AMDHD1: variants seen among roughly 807,000 people sequenced by gnomAD.
AMDHD1 encodes amidohydrolase domain containing 1.
A neutral mutation model predicts 44.1 loss-of-function variants in AMDHD1; 45 were observed. That is an observed-to-expected ratio of 1.02 (90% CI 0.80 to 1.31). AMDHD1 has a LOEUF of 1.31. Ranked by LOEUF, AMDHD1 falls within the 50% of genes most tolerant of loss-of-function variation. AMDHD1 has a pLI of 0.00. For synonymous variants in AMDHD1, 206 were observed against 205.0 expected (o/e 1.00, Z -0.04); for missense variants, 586 against 552.1 (o/e 1.06, Z -0.61).
rs939757524 is a variant in AMDHD1, at chr12:95,943,551, C to T, written c.137+16C>T. 4.2e-6 allele frequency: 6 copies of T among 1,436,866 alleles called. No individual in the cohort carries two copies. The Admixed American group carries it at 8.0e-5, about 19-fold the overall frequency. The allele number at this position is 1,436,866 out of a possible 1,614,324, so 89.0% of individuals were successfully genotyped here. ...TGGTGGGCAAGTAAGTGGCCGGGCG[C>T]GCAGGGTGGGGACCGCCACGGGCGG... is the stretch of plus-strand genomic sequence containing the variant. On this transcript the variant is annotated intron_variant, in intron 1 of 8. Coordinates refer to ENST00000266736, the MANE Select transcript of AMDHD1 (RefSeq NM_152435.3).
chr12:95,956,344 G>A (rs1246045927), intron 3 of AMDHD1, among the ~76,000 whole-genome samples: 1 of 152,140 alleles, frequency 6.6e-6, no homozygotes, highest in African/African-American at 2.4e-5. Context: ...TCCTGACCTC[G>A]TGATCTGCCC....
At chr12:95,955,412 A>C (rs563043245) in intron 3 of AMDHD1, among the ~76,000 whole-genome samples, 2 of 152,310 alleles carry the variant, frequency 1.3e-5, no homozygotes, top group South Asian at 4.1e-4. Flanking sequence ...ATTAGCTGTA[A>C]CCAACTCCTA....
chr12:95,966,881 A>G lies in AMDHD1; in HGVS notation c.1193+373A>G, dbSNP rs1008357029. ...TTGGTTCTGATTCATTCCCTCTCTG[A>G]TTTCTCATGCCGACTGGCTCCCAAA... On this transcript the variant is annotated intron_variant, in intron 8 of 8. Coordinates refer to ENST00000266736, the MANE Select transcript of AMDHD1 (RefSeq NM_152435.3). Among the ~76,000 whole-genome samples, 18 of 152,056 alleles carry G rather than the reference A, an allele frequency of 1.2e-4. 1 individual carries two copies. The highest frequency in any genetic ancestry group is 5.9e-5 in the Non-Finnish European group (4 of 68,004).
chr12:95,948,327 C>G lies in AMDHD1; in HGVS notation c.138-4390C>G, dbSNP rs540275244. Among the ~76,000 whole-genome samples, 16 of 84,230 alleles carry G rather than the reference C, an allele frequency of 1.9e-4. No individual in the cohort carries two copies. In the South Asian group the frequency reaches 3.6e-3, roughly 19 times the overall value. 55.3% of individuals were successfully genotyped at this position (84,230 alleles called of 152,430 possible). ...GAGGGAGGTGGGGGGGTCAGCCCCC[C>G]ACCCGGCCAGCCGCCCCGTCTGGGA... On this transcript the variant is annotated intron_variant, in intron 1 of 8. Coordinates refer to ENST00000266736, the MANE Select transcript of AMDHD1 (RefSeq NM_152435.3).
At position 95,956,982 on chromosome 12, in the gene AMDHD1, G is replaced by T; in HGVS notation, c.587+20G>T. On this transcript the variant is annotated intron_variant, in intron 4 of 8. Coordinates refer to ENST00000266736, the MANE Select transcript of AMDHD1 (RefSeq NM_152435.3). ...GCCTAAGTAATCTCAGCCAGTGGGG[G>T]CCCGGGTTTAACTCAGAGCATTGAA... The T allele has an allele frequency of 2.5e-6, 4 of 1,611,146 alleles. No individual in the cohort carries two copies. The highest frequency in any genetic ancestry group is 3.4e-6 in the Non-Finnish European group (4 of 1,179,252).
intron 1 of AMDHD1, among the ~76,000 whole-genome samples, chr12:95,945,452 G>C (rs1357209272): frequency 2.6e-5 from 4 of 152,140 alleles, no homozygotes; most frequent in Middle Eastern, 3.4e-3. Flanking sequence ...ATATTAGGTT[G>C]GTGCAAAAAT....
intron 4 of AMDHD1, 35 bp from the exon 5 acceptor site, chr12:95,960,363 A>G: frequency 1.3e-6 from 2 of 1,587,464 alleles, no homozygotes; most frequent in South Asian, 1.1e-5. Flanking sequence ...TTTGTTTTTA[A>G]TATTTGCCCA....
intron 1 of AMDHD1, among the ~76,000 whole-genome samples, chr12:95,951,559 G>A (rs2080525894): frequency 6.6e-6 from 1 of 152,256 alleles, no homozygotes; most frequent in South Asian, 2.1e-4. Flanking sequence ...ATGGGATGCA[G>A]ACATCTCTTT....
intron 2 of AMDHD1, among the ~76,000 whole-genome samples, chr12:95,953,338 A>G (rs1216779489): frequency 6.6e-6 from 1 of 152,152 alleles, no homozygotes; most frequent in Non-Finnish European, 1.5e-5. Flanking sequence ...AAAAAGAAAA[A>G]CAAAAATCCT....
intron 1 of AMDHD1, among the ~76,000 whole-genome samples, chr12:95,948,439 G>T (rs1406167841): frequency 1.5e-5 from 1 of 65,202 alleles, no homozygotes; most frequent in African/African-American, 6.8e-5. Context: ...GCCCCTACTG[G>T]GAAGTGAGGA....
In AMDHD1 at chr12:95,955,116, C is replaced by A. The variant is rs1481625229; in HGVS notation, c.309+141C>A. 3 of 784,452 alleles carry A rather than the reference C, an allele frequency of 3.8e-6. No individual in the cohort carries two copies. In the Admixed American group the frequency reaches 7.0e-5, roughly 18 times the overall value. The allele number at this position is 784,452 out of a possible 1,614,324, so 48.6% of individuals were successfully genotyped here. A position where few individuals can be genotyped will look rare whatever the true frequency, so the allele number is the denominator to read the frequency against. Reference sequence around the variant, plus strand: ...TTTTTACTTGCTTGGGTATGGGAAACAAATGACAACAAAACTTATTTATAA... The same window carrying A: ...TTTTTACTTGCTTGGGTATGGGAAAAAAATGACAACAAAACTTATTTATAA... On this transcript the variant is annotated intron_variant, in intron 3 of 8. Transcript: ENST00000266736.
In AMDHD1 at chr12:95,966,423, G is replaced by A. The variant is rs1453517867; in HGVS notation, c.1108G>A (p.Ala370Thr). The change falls in exon 8 of 9, where the codon GCA (alanine) becomes ACA (threonine). Residue 370 changes from alanine (A) to threonine (T), a missense_variant. Transcript: ENST00000266736. ...PEALAAATIN[A>T]AYALGKSHTH... ...GGCCTTGGCCGCTGCCACCATCAAT[G>A]CAGCTTATGCACTGGGAAAGTCTCA... 1.2e-6 allele frequency: 2 copies of A among 1,614,224 alleles called. No homozygotes were observed. The highest frequency in any genetic ancestry group is 2.2e-5 in the East Asian group (1 of 44,888).
At chr12:95,947,604 T>C (rs1450696822) in intron 1 of AMDHD1, among the ~76,000 whole-genome samples, 2 of 46,126 alleles carry the variant, frequency 4.3e-5, no homozygotes, top group African/African-American at 1.1e-4. Context: ...CGGACAGCCG[T>C]GCCGTCCAGG....
intron 6 of AMDHD1, among the ~76,000 whole-genome samples, chr12:95,963,461 A>T (rs1209950570): frequency 6.6e-6 from 1 of 152,224 alleles, no homozygotes; most frequent in African/African-American, 2.4e-5. Context: ...GGCTCCAAGT[A>T]ACTTTTAGAA....
intron 6 of AMDHD1, among the ~76,000 whole-genome samples, chr12:95,964,852 G>C (rs1411090591): frequency 7.5e-6 from 1 of 132,726 alleles, no homozygotes; most frequent in African/African-American, 2.9e-5. Flanking sequence ...GCCTAATCCA[G>C]GAAGAAGTAT....
intron 6 of AMDHD1, among the ~76,000 whole-genome samples, chr12:95,964,268 A>AT (rs1474582559): frequency 1.3e-5 from 2 of 151,510 alleles, no homozygotes; most frequent in Non-Finnish European, 2.9e-5. Context: ...TCGTTTCTAT[A>AT]TTTTTCTGAT....
At chr12:95,964,827 G>A (rs1266400877) in intron 6 of AMDHD1, among the ~76,000 whole-genome samples, 2 of 150,642 alleles carry the variant, frequency 1.3e-5, no homozygotes, top group African/African-American at 4.9e-5. Flanking sequence ...ATTTCACCAG[G>A]GAGGTCAAGG....
At chr12:95,961,930 T>C (rs958945659) in intron 5 of AMDHD1, among the ~76,000 whole-genome samples, 4 of 152,236 alleles carry the variant, frequency 2.6e-5, no homozygotes, top group Non-Finnish European at 5.9e-5. Flanking sequence ...CAACGGTTGG[T>C]TGGCAAGAAA....
intron 5 of AMDHD1, among the ~76,000 whole-genome samples, chr12:95,961,586 T>A (rs1421885349): frequency 6.6e-6 from 1 of 152,202 alleles, no homozygotes; most frequent in African/African-American, 2.4e-5. Context: ...TCCAGCTTGA[T>A]CTCTTCGTAT....
Sources: allele counts gnomAD v4.1 joint callset (sites outside exome capture counted in the v4.1 genomes callset), GRCh38; gene constraint gnomAD v4.1.1; transcripts MANE v1.5; gene names NCBI Gene and HGNC (gene_info 2026-07-23, HGNC 2026-07-21).